GALNT18: variants seen among roughly 807,000 people sequenced by gnomAD.
GALNT18 encodes polypeptide N-acetylgalactosaminyltransferase 18, also known as GalNAc-transferase 18.
In GALNT18, 44 loss-of-function variants were observed where a neutral mutation model predicts 69.5. The ratio of observed to expected loss-of-function variants is 0.63; its 90% CI spans 0.50 to 0.81. The LOEUF (loss-of-function observed/expected upper bound fraction) is 0.81. Ranked by LOEUF, GALNT18 falls within the 40% of genes least tolerant of loss-of-function variation. The pLI, the probability that GALNT18 is intolerant of heterozygous loss-of-function variation, is 0.00. For synonymous variants in GALNT18, 364 were observed against 318.2 expected (o/e 1.14, Z -1.53); for missense variants, 715 against 810.0 (o/e 0.88, Z 1.42).
chr11:11,571,165 C>T (rs953884636), intron 1 of GALNT18, among the ~76,000 whole-genome samples: 3 of 152,206 alleles, frequency 2.0e-5, no homozygotes, highest in African/African-American at 7.2e-5. Flanking sequence ...AAAATCAAGG[C>T]TTAAGATTAA....
intron 8 of GALNT18, among the ~76,000 whole-genome samples, chr11:11,329,711 C>T (rs995839787): frequency 2.0e-5 from 3 of 152,272 alleles, no homozygotes; most frequent in African/African-American, 7.2e-5. Context: ...ACAGGCCAGG[C>T]ACAAAGGAGA....
chr11:11,432,787 C>T lies in GALNT18; in HGVS notation c.429G>A (p.Gly143=). 1 of 1,613,476 alleles carries T rather than the reference C, an allele frequency of 6.2e-7. No homozygotes were observed. Among genetic ancestry groups the T allele is most frequent in the Non-Finnish European group, 8.5e-7 (1 of 1,179,522 alleles). ...DRPLPDLRPS[G]CRNLSFPDSL... is the part of the protein sequence containing the mutation. ...TGTCAGGAAATGAGAGGTTACGGCA[C>T]CTGCAAAGAACAGCCAAGCGCTTAG... is the stretch of plus-strand genomic sequence containing the variant. The change falls in exon 3 of 11, where the codon GGG becomes GGA. Residue 143 remains glycine (G), a splice_region_variant and synonymous_variant. Coordinates refer to ENST00000227756, the MANE Select transcript of GALNT18 (RefSeq NM_198516.3). This position sits in a 1 kb window ranked among gnomAD's most constrained non-coding sequence, Gnocchi z 5.8.
At chr11:11,594,122 T>G (rs112896152) in intron 1 of GALNT18, among the ~76,000 whole-genome samples, 12 of 152,322 alleles carry the variant, frequency 7.9e-5, no homozygotes, top group African/African-American at 2.6e-4. Flanking sequence ...GAAAGCACAG[T>G]ATTTTTTTAG....
chr11:11,345,334 G>A (rs1226929513), intron 6 of GALNT18, among the ~76,000 whole-genome samples: 3 of 152,208 alleles, frequency 2.0e-5, no homozygotes, highest in Non-Finnish European at 1.5e-5. Flanking sequence ...ACAAGAGAAA[G>A]CCTGTGCTGG....
At chr11:11,594,842 CACATATACATACAT>C (rs1463397167) in intron 1 of GALNT18, among the ~76,000 whole-genome samples, 178 of 115,694 alleles carry the variant, frequency 1.5e-3, no homozygotes, top group African/African-American at 5.5e-3. Context: ...TATATATATA[CACATATACATACAT>C]ACACACACAT....
chr11:11,379,043 C>T (rs201333604), intron 4 of GALNT18, 38 bp downstream of exon 4: 1 of 1,518,128 alleles, frequency 6.6e-7, no homozygotes, highest in East Asian at 2.3e-5. Context: ...GCCCCAGATC[C>T]CACTGGGACT....
chr11:11,483,810 C>T (rs891183622), intron 1 of GALNT18, among the ~76,000 whole-genome samples: 8 of 152,106 alleles, frequency 5.3e-5, no homozygotes, highest in African/African-American at 1.7e-4. Context: ...GATGCACAGA[C>T]GTTACTTCAA....
chr11:11,315,786 C>T lies in GALNT18; in HGVS notation c.1512+11300G>A, dbSNP rs1470535538. Among the ~76,000 whole-genome samples the T allele has an allele frequency of 6.6e-6, 1 of 152,054 alleles. No individual in the cohort carries two copies. Among genetic ancestry groups the T allele is most frequent in the Non-Finnish European group, 1.5e-5 (1 of 68,002 alleles). On this transcript the variant is annotated intron_variant, in intron 9 of 10. Coordinates refer to ENST00000227756, the MANE Select transcript of GALNT18 (RefSeq NM_198516.3). The surrounding 1 kb of genome is among the most constrained non-coding windows in gnomAD (Gnocchi z 5.6). ...ACATGTGGTACGGGCAGAACTGGGC[C>T]TGGACCCCCAGCCCTTATCTGACCT...
At chr11:11,520,145 G>A (rs191127541) in intron 1 of GALNT18, among the ~76,000 whole-genome samples, 5 of 152,370 alleles carry the variant, frequency 3.3e-5, no homozygotes, top group African/African-American at 1.2e-4. Flanking sequence ...CAACAAGCTT[G>A]TAGCGCTTAC....
intron 1 of GALNT18, among the ~76,000 whole-genome samples, chr11:11,507,868 C>T (rs1857095636): frequency 6.6e-6 from 1 of 152,218 alleles, no homozygotes; most frequent in African/African-American, 2.4e-5. Context: ...CCTGGAAAGA[C>T]TACACTGGCT....
chr11:11,525,171 A>T (rs11021897), intron 1 of GALNT18, among the ~76,000 whole-genome samples: 41,237 of 151,940 alleles, frequency 0.27, 6,069 homozygotes, highest in African/African-American at 0.32. Context: ...GGAGGAGGAG[A>T]GGTAGGAAAA....
At chr11:11,380,118 T>C (rs1474354692) in intron 3 of GALNT18, among the ~76,000 whole-genome samples, 5 of 152,220 alleles carry the variant, frequency 3.3e-5, no homozygotes, top group Admixed American at 2.0e-4. Context: ...ATGCAGCCCC[T>C]GCAGTAAAAG....
At chr11:11,282,383 C>T (rs1849098977) in intron 10 of GALNT18, among the ~76,000 whole-genome samples, 2 of 152,206 alleles carry the variant, frequency 1.3e-5, no homozygotes, top group South Asian at 4.1e-4. Flanking sequence ...ATGCCAAATA[C>T]TTTACATGCC....
At chr11:11,280,318 G>A (rs987462656) in intron 10 of GALNT18, among the ~76,000 whole-genome samples, 1 of 152,170 alleles carries the variant, frequency 6.6e-6, no homozygotes, top group African/African-American at 2.4e-5. Flanking sequence ...GAATCCCCAT[G>A]CTGAAAGAGA....
chr11:11,542,237 C>G lies in GALNT18; in HGVS notation c.235+79122G>C, dbSNP rs529326175. ...AAGCAAAACAAAACTGTGGGAACAG[C>G]CTGTCATCTCACTCAGAGCTCCCCT... On this transcript the variant is annotated intron_variant, in intron 1 of 10. Coordinates refer to ENST00000227756, the MANE Select transcript of GALNT18 (RefSeq NM_198516.3). This position sits in a 1 kb window ranked among gnomAD's most constrained non-coding sequence, Gnocchi z 4.3. 1.8e-4 allele frequency among the ~76,000 whole-genome samples: 28 copies of G among 152,246 alleles called. No individual in the cohort carries two copies. Among genetic ancestry groups the G allele is most frequent in the Admixed American group, 5.9e-4 (9 of 15,284 alleles).
chr11:11,589,459 T>TC (rs112580711), intron 1 of GALNT18, among the ~76,000 whole-genome samples: 3,681 of 152,236 alleles, frequency 0.024, 155 homozygotes, highest in African/African-American at 0.085. Context: ...TAAAAATGAC[T>TC]CCAAATATGA....
Position 11,541,501 on chromosome 11 carries a change from CACTTTCT to C in GALNT18, c.235+79851_235+79857del, listed in dbSNP as rs1857921227. Among the ~76,000 whole-genome samples, 1 of 152,166 alleles carries C rather than the reference CACTTTCT, an allele frequency of 6.6e-6. No individual in the cohort carries two copies. Among genetic ancestry groups the C allele is most frequent in the Non-Finnish European group, 1.5e-5 (1 of 68,028 alleles). ...TTCTAGACCACAAACCTCGTCATGC[CACTTTCT>C]ACTTAAAATTCTTCCATGGCTCTCC... On this transcript the variant is annotated intron_variant, in intron 1 of 10. Transcript: ENST00000227756. This position sits in a 1 kb window ranked among gnomAD's most constrained non-coding sequence, Gnocchi z 4.8.
rs1485651084 is a variant in GALNT18 at position 11,352,257 on chromosome 11, T to C, written c.1093-11253A>G. On this transcript the variant is annotated intron_variant, in intron 6 of 10. Coordinates refer to ENST00000227756, the MANE Select transcript of GALNT18 (RefSeq NM_198516.3). ...CTCAGGGCTGACAAGGTGCTGATTT[T>C]CACTGTGGACAAAGCGTTCCCATCG... is the stretch of plus-strand genomic sequence containing the variant. 3.7e-6 allele frequency: 6 copies of C among 1,613,998 alleles called. No individual in the cohort carries two copies. The African/African-American group carries it at 4.0e-5, about 11-fold the overall frequency.
chr11:11,386,955 G>A (rs986376721), intron 3 of GALNT18, among the ~76,000 whole-genome samples: 14 of 152,156 alleles, frequency 9.2e-5, no homozygotes, highest in African/African-American at 3.4e-4. Context: ...TCTGGGGTGG[G>A]ACCAGAGAAT....
Sources: gnomAD v4.1 joint callset for allele counts (sites outside exome capture counted in the v4.1 genomes callset) on GRCh38, gnomAD v4.1.1 for gene constraint, Gnocchi (gnomAD v3.1) non-coding constraint, MANE v1.5 for transcripts, NCBI Gene and HGNC (gene_info 2026-07-23, HGNC 2026-07-21) for gene names.